Variants in RPS6KA3 observed in about 807,000 individuals in gnomAD.
RPS6KA3 encodes the protein ribosomal protein S6 kinase A3, also known as ribosomal protein S6 kinase alpha-3.
A neutral mutation model predicts 67.2 loss-of-function variants in RPS6KA3; 4 were observed. The ratio of observed to expected loss-of-function variants is 0.06; its 90% CI spans 0.03 to 0.14. The LOEUF (loss-of-function observed/expected upper bound fraction) is 0.14, where lower values mean the gene tolerates loss of function less well. RPS6KA3 is among the 10% of genes least tolerant of loss of function. The probability of loss-of-function intolerance (pLI) is 1.00; values close to 1 mark genes in which losing one functional copy is unlikely to be tolerated. For missense variants in RPS6KA3, 204 were observed against 559.0 expected, an observed-to-expected ratio of 0.36 and a Z score of 6.40; for synonymous variants, 182 against 183.7, an observed-to-expected ratio of 0.99 and a Z score of 0.07.
chrX:20,254,423 T>C (rs1420945283), intron 1 of RPS6KA3, among the ~76,000 whole-genome samples: 5 of 112,178 alleles, frequency 4.5e-5, no homozygotes, highest in Non-Finnish European at 5.6e-5. Context: ...TTTGTTGTGT[T>C]CCTCTAGGAA....
intron 2 of RPS6KA3, among the ~76,000 whole-genome samples, chrX:20,216,656 G>C (rs1445184965): frequency 9.1e-6 from 1 of 110,494 alleles, no homozygotes; most frequent in Admixed American, 9.7e-5. Flanking sequence ...AGAAAGACCT[G>C]AGGGAGGTGA....
intron 2 of RPS6KA3, among the ~76,000 whole-genome samples, chrX:20,224,497 C>T (rs2069062186): frequency 9.0e-6 from 1 of 110,954 alleles, no homozygotes; most frequent in Non-Finnish European, 1.9e-5. Context: ...TTAAAATTAA[C>T]ATGTTCTTAA....
At chrX:20,208,688 A>G (rs188505646) in intron 3 of RPS6KA3, among the ~76,000 whole-genome samples, 1 of 111,886 alleles carries the variant, frequency 8.9e-6, no homozygotes, top group East Asian at 2.8e-4. Flanking sequence ...ACTGTACTCC[A>G]GCCTGGGTGA....
At chrX:20,173,301 A>G (rs2067617847) in intron 14 of RPS6KA3, among the ~76,000 whole-genome samples, 1 of 112,102 alleles carries the variant, frequency 8.9e-6, no homozygotes, top group Admixed American at 9.5e-5. Context: ...TCTCAGGTAC[A>G]CCACTTACAG....
chrX:20,216,782 T>C (rs929094560), intron 2 of RPS6KA3, among the ~76,000 whole-genome samples: 1 of 110,030 alleles, frequency 9.1e-6, no homozygotes, highest in East Asian at 2.8e-4. Context: ...GAAAGAGAGG[T>C]AGAGAAGAAT....
intron 2 of RPS6KA3, among the ~76,000 whole-genome samples, chrX:20,220,527 TC>T (rs2068963664): frequency 9.3e-6 from 1 of 107,456 alleles, no homozygotes; most frequent in Non-Finnish European, 1.9e-5. Context: ...AAAAGCATCA[TC>T]TTTACTGCAC....
intron 2 of RPS6KA3, among the ~76,000 whole-genome samples, chrX:20,218,364 A>AT (rs1171109284): frequency 8.9e-6 from 1 of 112,002 alleles, no homozygotes; most frequent in Non-Finnish European, 1.9e-5. Context: ...CCAAAATGTG[A>AT]TTTTAAGTTA....
chrX:20,243,993 T>C (rs963928554), intron 1 of RPS6KA3, among the ~76,000 whole-genome samples: 2 of 111,325 alleles, frequency 1.8e-5, no homozygotes, highest in Non-Finnish European at 3.8e-5. Context: ...CAAGAACAGA[T>C]GCCTTGGAGA....
chrX:20,214,147 A>G (rs1254924178), intron 2 of RPS6KA3, among the ~76,000 whole-genome samples: 1 of 111,162 alleles, frequency 9.0e-6, no homozygotes, highest in Non-Finnish European at 1.9e-5. Context: ...CTTTCTTCTG[A>G]GAGCTCCTTT....
chrX:20,230,406 G>T (rs186514481), intron 2 of RPS6KA3, among the ~76,000 whole-genome samples: 60 of 112,102 alleles, frequency 5.4e-4, no homozygotes, highest in African/African-American at 1.9e-3. Flanking sequence ...GTTGTAAAGG[G>T]AAGACATCTC....
At chrX:20,205,158 C>T (rs1569233313) in intron 3 of RPS6KA3, among the ~76,000 whole-genome samples, 1 of 112,443 alleles carries the variant, frequency 8.9e-6, no homozygotes, top group African/African-American at 3.2e-5. Context: ...CATTCTATAA[C>T]ATGGCTAATA....
Position 20,153,108 on chromosome X carries a change from C to T in RPS6KA3, c.*2290G>A, listed in dbSNP as rs1311796441. The T allele has an allele frequency of 9.0e-6, 1 of 111,608 alleles. No homozygotes were observed. Among genetic ancestry groups the T allele is most frequent in the Non-Finnish European group, 1.9e-5 (1 of 53,132 alleles). 9.2% of individuals were successfully genotyped at this position (111,608 alleles called of 1,213,427 possible). A position where few individuals can be genotyped will look rare whatever the true frequency, so the allele number is the denominator to read the frequency against. On this transcript the variant is annotated 3_prime_UTR_variant, in exon 22 of 22. Coordinates refer to ENST00000379565, the MANE Select transcript of RPS6KA3 (RefSeq NM_004586.3). ...GATGGACAATACTCCTAAGCAATTA[C>T]GGAGTAGCATCAGTGTAAAAAAATC...
At chrX:20,177,796 T>C (rs1211102897) in intron 10 of RPS6KA3, among the ~76,000 whole-genome samples, 1 of 112,295 alleles carries the variant, frequency 8.9e-6, no homozygotes, top group Non-Finnish European at 1.9e-5. Flanking sequence ...AGAACATGTG[T>C]TTCATATGCC....
At chrX:20,196,243 G>A (rs376683980) in intron 4 of RPS6KA3, among the ~76,000 whole-genome samples, 4 of 113,203 alleles carry the variant, frequency 3.5e-5, no homozygotes, top group African/African-American at 1.3e-4. Context: ...GCGCCAAGGC[G>A]AAATGGGGAG....
chrX:20,263,374 T>A, intron 1 of RPS6KA3, among the ~76,000 whole-genome samples: 2 of 112,287 alleles, frequency 1.8e-5, no homozygotes, highest in Non-Finnish European at 3.8e-5. Context: ...CATATTAGCA[T>A]CTTTAAGTAA....
chrX:20,211,554 A>AC (rs1463612092), intron 2 of RPS6KA3, among the ~76,000 whole-genome samples: 1 of 110,873 alleles, frequency 9.0e-6, no homozygotes, highest in African/African-American at 3.3e-5. Flanking sequence ...AAAAAACAAA[A>AC]AAAAAAAACC....
intron 2 of RPS6KA3, among the ~76,000 whole-genome samples, chrX:20,214,710 T>C (rs767509304): frequency 8.0e-5 from 9 of 112,084 alleles, no homozygotes; most frequent in African/African-American, 2.6e-4. Flanking sequence ...CTTTGATAAT[T>C]TCCTTCCACC....
At chrX:20,254,903 C>G in intron 1 of RPS6KA3, among the ~76,000 whole-genome samples, 1 of 112,035 alleles carries the variant, frequency 8.9e-6, no homozygotes, top group Non-Finnish European at 1.9e-5. Flanking sequence ...TAAAATGGTA[C>G]AGGCCAGCTG....
intron 1 of RPS6KA3, among the ~76,000 whole-genome samples, chrX:20,254,387 T>C (rs1272793415): frequency 1.8e-5 from 2 of 112,228 alleles, no homozygotes; most frequent in African/African-American, 6.5e-5. Flanking sequence ...CTTTCTTTTT[T>C]AAGTTCTATA....
Sources: allele counts gnomAD v4.1 joint callset (sites outside exome capture counted in the v4.1 genomes callset), GRCh38; gene constraint gnomAD v4.1.1; transcripts MANE v1.5; gene names NCBI Gene and HGNC (gene_info 2026-07-23, HGNC 2026-07-21).